CALD1: variants seen among roughly 807,000 people sequenced by gnomAD.
CALD1 encodes caldesmon 1.
In CALD1, 33 loss-of-function variants were observed where a neutral mutation model predicts 99.9. The observed-to-expected ratio is 0.33, with a 90% CI of 0.25 to 0.44. The LOEUF is 0.44. CALD1 is among the 20% of genes least tolerant of loss of function. The pLI is 1.00. For synonymous variants in CALD1, 310 were observed against 325.0 expected, an observed-to-expected ratio of 0.95 and a Z score of 0.50; for missense variants, 861 against 962.1, an observed-to-expected ratio of 0.89 and a Z score of 1.39.
chr7:134,754,033 C>A (rs1343121823), intron 1 of CALD1, among the ~76,000 whole-genome samples: 2 of 152,180 alleles, frequency 1.3e-5, no homozygotes, highest in Non-Finnish European at 2.9e-5. Flanking sequence ...GCAGCCCTGA[C>A]CATATTTGTT....
intron 3 of CALD1, among the ~76,000 whole-genome samples, chr7:134,873,848 T>A (rs1428071575): frequency 6.6e-6 from 1 of 152,254 alleles, no homozygotes; most frequent in African/African-American, 2.4e-5. Context: ...ATGAAAGTAT[T>A]AACACAGTGT....
chr7:134,963,652 A>T (rs1409768166), intron 13 of CALD1, among the ~76,000 whole-genome samples: 1 of 152,224 alleles, frequency 6.6e-6, no homozygotes, highest in Non-Finnish European at 1.5e-5. Context: ...TTGGATCCTT[A>T]TCCAAATGAA....
the CALD1 span, among the ~76,000 whole-genome samples, chr7:134,728,616 T>A: frequency 2.4e-3 from 358 of 152,276 alleles, 1 homozygote; most frequent in African/African-American, 8.1e-3. Flanking sequence ...TCTGTGATGA[T>A]TCTTAAGCAG....
intron 9 of CALD1, among the ~76,000 whole-genome samples, chr7:134,951,450 T>A (rs999743119): frequency 1.3e-5 from 2 of 152,276 alleles, no homozygotes; most frequent in Non-Finnish European, 2.9e-5. Flanking sequence ...CTAAAATTTA[T>A]AAAATAGGAA....
upstream of CALD1, among the ~76,000 whole-genome samples, chr7:134,741,095 T>G (rs73724846): frequency 0.017 from 2,513 of 152,284 alleles, 66 homozygotes; most frequent in African/African-American, 0.054. Context: ...ACATGCTATC[T>G]GCCCATTTGA....
intron 2 of CALD1, among the ~76,000 whole-genome samples, chr7:134,847,241 T>A (rs982141326): frequency 6.6e-5 from 10 of 152,186 alleles, no homozygotes; most frequent in African/African-American, 1.9e-4. Flanking sequence ...TTTATTTTCT[T>A]CTTCTTTTCT....
intron 3 of CALD1, among the ~76,000 whole-genome samples, chr7:134,893,248 G>A (rs544885407): frequency 2.6e-5 from 4 of 152,030 alleles, no homozygotes; most frequent in African/African-American, 4.8e-5. Context: ...TCTGGTCCTC[G>A]GCCTCTGTCT....
Position 134,844,040 on chromosome 7 carries a change from G to A in CALD1, c.-42+69G>A, listed in dbSNP as rs377710492. 11 of 152,278 alleles carry A rather than the reference G, an allele frequency of 7.2e-5. No individual in the cohort carries two copies. In the East Asian group the frequency reaches 1.7e-3, roughly 24 times the overall value. 9.4% of individuals were successfully genotyped at this position (152,278 alleles called of 1,614,324 possible). Reference sequence around the variant, plus strand: ...TAGGAATTACACAGCCTCTGTGCCTGATATTCTAAATTCTTACATCTGAAG... The same window carrying A: ...TAGGAATTACACAGCCTCTGTGCCTAATATTCTAAATTCTTACATCTGAAG... On this transcript the variant is annotated intron_variant, in intron 2 of 14. Coordinates refer to ENST00000361675, the MANE Select transcript of CALD1 (RefSeq NM_033138.4).
intron 3 of CALD1, among the ~76,000 whole-genome samples, chr7:134,921,299 T>G (rs1049211447): frequency 2.0e-5 from 3 of 152,254 alleles, no homozygotes; most frequent in Admixed American, 2.0e-4. Flanking sequence ...TAAAACACTT[T>G]ATCAACAAAT....
At chr7:134,806,836 A>G (rs1426183661) in intron 1 of CALD1, among the ~76,000 whole-genome samples, 2 of 152,156 alleles carry the variant, frequency 1.3e-5, no homozygotes, top group African/African-American at 4.8e-5. Flanking sequence ...ATGGTGGTCA[A>G]AGGAGAATTT....
chr7:134,718,358 C>T, the CALD1 span, among the ~76,000 whole-genome samples: 1 of 152,128 alleles, frequency 6.6e-6, no homozygotes, highest in Non-Finnish European at 1.5e-5. Context: ...CTCCATTTTA[C>T]AGACATGACA....
chr7:134,824,976 A>G (rs577784827), intron 1 of CALD1, among the ~76,000 whole-genome samples: 5 of 152,274 alleles, frequency 3.3e-5, no homozygotes, highest in Middle Eastern at 3.4e-3. Context: ...TAAGAATACT[A>G]CCTTTCCTTC....
At chr7:134,921,177 C>T (rs1329193035) in intron 3 of CALD1, among the ~76,000 whole-genome samples, 1 of 152,182 alleles carries the variant, frequency 6.6e-6, no homozygotes, top group Non-Finnish European at 1.5e-5. Context: ...TTTCTGTAGT[C>T]TGATGAACAG....
chr7:134,810,399 G>A (rs947413856), intron 1 of CALD1, among the ~76,000 whole-genome samples: 5 of 152,132 alleles, frequency 3.3e-5, no homozygotes, highest in Admixed American at 1.3e-4. Context: ...CCTTTATTTA[G>A]TTATATCATA....
chr7:134,846,215 A>G (rs761902197), intron 2 of CALD1, among the ~76,000 whole-genome samples: 3 of 152,314 alleles, frequency 2.0e-5, no homozygotes, highest in South Asian at 2.1e-4. Context: ...CTGTGACGCT[A>G]TGGTCACAGA....
chr7:134,899,494 C>T lies in CALD1; in HGVS notation c.72-29260C>T, dbSNP rs553655670. On this transcript the variant is annotated intron_variant, in intron 3 of 14. Transcript: ENST00000361675. ...CTGGGATTTCAGGTATGAGTCACCG[C>T]GCCCAGCCAGAATGCTTCATTCAAG... 7.9e-5 allele frequency among the ~76,000 whole-genome samples: 12 copies of T among 152,290 alleles called. No individual in the cohort carries two copies. In the East Asian group the frequency reaches 1.5e-3, roughly 20 times the overall value.
At chr7:134,724,178 G>A in the CALD1 span, among the ~76,000 whole-genome samples, 25 of 152,280 alleles carry the variant, frequency 1.6e-4, no homozygotes, top group Non-Finnish European at 3.1e-4. Context: ...GGCCAGCTTC[G>A]AGTTCCAGCC....
At chr7:134,883,348 C>A (rs1402997090) in intron 3 of CALD1, among the ~76,000 whole-genome samples, 1 of 152,042 alleles carries the variant, frequency 6.6e-6, no homozygotes, top group Non-Finnish European at 1.5e-5. Context: ...AAGTGACTGT[C>A]GGCTATTTTT....
intron 3 of CALD1, among the ~76,000 whole-genome samples, chr7:134,911,392 C>G (rs917787166): frequency 1.3e-5 from 2 of 152,074 alleles, no homozygotes; most frequent in African/African-American, 2.4e-5. Context: ...TATGTGTGCT[C>G]TGTGTGTGTG....
Sources: allele counts gnomAD v4.1 joint callset (sites outside exome capture counted in the v4.1 genomes callset), GRCh38; gene constraint gnomAD v4.1.1; transcripts MANE v1.5; gene names NCBI Gene and HGNC (gene_info 2026-07-23, HGNC 2026-07-21).